Variants in TEX14 observed in about 807,000 individuals in gnomAD.
The protein encoded by TEX14 is inactive serine/threonine-protein kinase TEX14.
TEX14 carries 168 observed loss-of-function variants against 178.6 expected under a neutral mutation model. That is an observed-to-expected ratio of 0.94 (90% CI 0.83 to 1.07). The LOEUF is 1.07. Ranked by LOEUF, TEX14 falls within the 50% of genes least tolerant of loss-of-function variation. The pLI, the probability that TEX14 is intolerant of heterozygous loss-of-function variation, is 0.00. For synonymous variants in TEX14, 626 were observed against 634.1 expected, an observed-to-expected ratio of 0.99 and a Z score of 0.19; for missense variants, 1,730 against 1,753.6, an observed-to-expected ratio of 0.99 and a Z score of 0.24.
intron 1 of TEX14, among the ~76,000 whole-genome samples, chr17:58,654,142 C>T (rs1303516789): frequency 6.6e-6 from 1 of 152,074 alleles, no homozygotes; most frequent in Non-Finnish European, 1.5e-5. Flanking sequence ...TGCACCACTG[C>T]ACTCCAGCCT....
Position 58,636,977 on chromosome 17 carries a change from A to C in TEX14, c.137-6423T>G, listed in dbSNP as rs146937285. 2.8e-3 allele frequency among the ~76,000 whole-genome samples: 425 copies of C among 152,248 alleles called. 2 individuals are homozygous for C. The highest frequency in any genetic ancestry group is 9.9e-3 in the African/African-American group (410 of 41,540). On this transcript the variant is annotated intron_variant, in intron 2 of 31. Transcript: ENST00000349033. ...CATGGTGGCTCACGCCTGTAATCCC[A>C]GCATTTTGGGAGGCAGAAGCGGGTG...
chr17:58,623,734 A>AG (rs2046059104), intron 3 of TEX14, among the ~76,000 whole-genome samples: 1 of 144,132 alleles, frequency 6.9e-6, no homozygotes, highest in African/African-American at 2.5e-5. Flanking sequence ...AGGAGGAGGA[A>AG]GGGAAAAAAA....
At position 58,593,582 on chromosome 17, in the gene TEX14, T is replaced by G. The variant is rs1166511983; in HGVS notation, c.2549A>C (p.Glu850Ala). The change falls in exon 15 of 32, where the codon GAA becomes GCA. Residue 850 changes from glutamate (E) to alanine (A), a missense_variant. Physicochemically the swap from Glu to Ala is moderately radical, Grantham distance 107 (BLOSUM62 -1). Around this residue, in one of 2 missense-constraint regions of TEX14, gnomAD observed 941 missense variants for 1,072.4 expected, o/e 0.88. Coordinates refer to ENST00000349033, the MANE Select transcript of TEX14 (RefSeq NM_031272.5). ...QCTQGAKDSL[E>A]TSRIQNTSSQ... ...ACTGGTATTTTGGATCCTGCTTGTTTCCAAACTGTCCTTGGCTCCTTGAGT... is the reference window on the plus strand; with the variant it reads ...ACTGGTATTTTGGATCCTGCTTGTTGCCAAACTGTCCTTGGCTCCTTGAGT... The G allele has an allele frequency of 4.3e-6, 7 of 1,614,070 alleles. No individual in the cohort carries two copies.
intron 1 of TEX14, among the ~76,000 whole-genome samples, chr17:58,673,788 G>C (rs1257911079): frequency 6.6e-6 from 1 of 151,784 alleles, no homozygotes; most frequent in Non-Finnish European, 1.5e-5. Flanking sequence ...GCCCAGCTTG[G>C]TCTCAAACTT....
At position 58,661,590 on chromosome 17, in the gene TEX14, C is replaced by A. The variant is rs755408550; in HGVS notation, c.-1-9588G>T. The A allele has an allele frequency of 2.8e-6, 2 of 724,508 alleles. 1 individual carries two copies. Among genetic ancestry groups the A allele is most frequent in the South Asian group, 3.1e-5 (2 of 65,490 alleles). The allele number at this position is 724,508 out of a possible 1,614,324, so 44.9% of individuals were successfully genotyped here. On this transcript the variant is annotated intron_variant, in intron 1 of 31. Coordinates refer to ENST00000349033, the MANE Select transcript of TEX14 (RefSeq NM_031272.5). ...GGCGGCGGCAGGAACTCGTCTTCAGCAGCTGCCATCTTGGGAAGGCTGATG... is the reference window on the plus strand; with the variant it reads ...GGCGGCGGCAGGAACTCGTCTTCAGAAGCTGCCATCTTGGGAAGGCTGATG...
intron 3 of TEX14, among the ~76,000 whole-genome samples, chr17:58,627,114 C>T (rs2046163944): frequency 6.6e-6 from 1 of 151,962 alleles, no homozygotes; most frequent in Non-Finnish European, 1.5e-5. Context: ...TTCCTGGACA[C>T]TTGAAAAAGG....
intron 2 of TEX14, among the ~76,000 whole-genome samples, chr17:58,640,901 G>C (rs1055395570): frequency 9.2e-5 from 14 of 151,838 alleles, no homozygotes; most frequent in African/African-American, 3.4e-4. Flanking sequence ...TTTGCTTTTT[G>C]TAGAGACAAG....
chr17:58,626,044 G>A (rs1387958304), intron 3 of TEX14, among the ~76,000 whole-genome samples: 1 of 151,938 alleles, frequency 6.6e-6, no homozygotes, highest in Admixed American at 6.6e-5. Context: ...CACTGTGCCC[G>A]GCAACATTTG....
At chr17:58,596,742 G>A (rs899747001) in intron 14 of TEX14, among the ~76,000 whole-genome samples, 1 of 151,238 alleles carries the variant, frequency 6.6e-6, no homozygotes, top group African/African-American at 2.4e-5. Flanking sequence ...AAAAGATAAA[G>A]AAATAAATAC....
At chr17:58,578,038 C>A (rs2044721463) in intron 20 of TEX14, among the ~76,000 whole-genome samples, 9 of 152,192 alleles carry the variant, frequency 5.9e-5, no homozygotes, top group Admixed American at 4.6e-4. Flanking sequence ...TATCCATTTT[C>A]CTTCCCACCA....
chr17:58,627,955 C>T (rs1339234947), intron 3 of TEX14, among the ~76,000 whole-genome samples: 1 of 113,510 alleles, frequency 8.8e-6, no homozygotes, highest in Non-Finnish European at 1.7e-5. Context: ...GACAGGGTCT[C>T]TGTTGCCCAG....
chr17:58,625,502 T>C (rs2046115650), intron 3 of TEX14, among the ~76,000 whole-genome samples: 1 of 152,214 alleles, frequency 6.6e-6, no homozygotes, highest in South Asian at 2.1e-4. Context: ...ACAGATGATA[T>C]TATTTCTCAT....
At chr17:58,666,796 A>G (rs999265693) in intron 1 of TEX14, 2 of 152,246 alleles carry the variant, frequency 1.3e-5, no homozygotes, top group Non-Finnish European at 2.9e-5. Flanking sequence ...ATCCACATAT[A>G]GTGAACAAAA....
intron 26 of TEX14, among the ~76,000 whole-genome samples, chr17:58,568,840 G>C (rs1296949320): frequency 6.6e-6 from 1 of 152,150 alleles, no homozygotes; most frequent in African/African-American, 2.4e-5. Flanking sequence ...TAGACCTCAG[G>C]CCTCAAAGGA....
chr17:58,572,060 G>A lies in TEX14; in HGVS notation c.3578C>T (p.Thr1193Ile). The A allele has an allele frequency of 6.2e-7, 1 of 1,614,170 alleles. No homozygotes were observed. The highest frequency in any genetic ancestry group is 1.1e-5 in the South Asian group (1 of 91,078). Residue 1193 changes from threonine to isoleucine, a missense_variant, in exon 24 of 32, where the codon ACA becomes ATA. Coordinates refer to ENST00000349033, the MANE Select transcript of TEX14 (RefSeq NM_031272.5). ...CLESITFQVKTEFASCWNSQE... is the reference protein window; with the variant it reads ...CLESITFQVKIEFASCWNSQE... ...ACTGTTCCAGCAAGAGGCAAACTCTGTCTTAACCTGAAATGTGATACTTTC... is the reference window on the plus strand; with the variant it reads ...ACTGTTCCAGCAAGAGGCAAACTCTATCTTAACCTGAAATGTGATACTTTC...
At chr17:58,632,226 C>G (rs2046338627) in intron 2 of TEX14, among the ~76,000 whole-genome samples, 2 of 152,098 alleles carry the variant, frequency 1.3e-5, no homozygotes, top group Non-Finnish European at 2.9e-5. Flanking sequence ...GAAGGGAAAG[C>G]GATAATTCAA....
rs183240352 is a variant in TEX14 at position 58,577,487 on chromosome 17, A to T, written c.3239-31T>A. The T allele has an allele frequency of 2.2e-4, 184 of 841,400 alleles. No individual in the cohort carries two copies. The East Asian group carries it at 4.5e-3, about 20-fold the overall frequency. 52.1% of individuals were successfully genotyped at this position (841,400 alleles called of 1,614,324 possible). A position where few individuals can be genotyped will look rare whatever the true frequency, so the allele number is the denominator to read the frequency against. ...AGAATAAAGTTAAAAATATATATATATATTTTTTTTTACTGAATCTTTGTC... is the reference window on the plus strand; with the variant it reads ...AGAATAAAGTTAAAAATATATATATTTATTTTTTTTTACTGAATCTTTGTC... On this transcript the variant is annotated intron_variant, in intron 20 of 31. Coordinates refer to ENST00000349033, the MANE Select transcript of TEX14 (RefSeq NM_031272.5).
At position 58,661,494 on chromosome 17, in the gene TEX14, C is replaced by T. The variant is rs1273381042; in HGVS notation, c.-1-9492G>A. ...ACCTTTTCCTGGACTATTCGGGAAC[C>T]GGTGGGTTCAGTCGCTCCTTCGACT... On this transcript the variant is annotated intron_variant, in intron 1 of 31. Coordinates refer to ENST00000349033, the MANE Select transcript of TEX14 (RefSeq NM_031272.5). 3 of 781,112 alleles carry T rather than the reference C, an allele frequency of 3.8e-6. No individual in the cohort carries two copies. In the African/African-American group the frequency reaches 5.1e-5, roughly 13 times the overall value. 48.4% of individuals were successfully genotyped at this position (781,112 alleles called of 1,614,324 possible).
chr17:58,611,298 G>C lies in TEX14; in HGVS notation c.1047C>G (p.His349Gln), dbSNP rs754448948. 4 of 1,613,348 alleles carry C rather than the reference G, an allele frequency of 2.5e-6. No homozygotes were observed. The highest frequency in any genetic ancestry group is 3.4e-6 in the Non-Finnish European group (4 of 1,179,480). ...GGGCATCAGATATCTGGAGCAGCAG[G>C]TGCACAATCACCTCCATGTGCAGCA... Reference protein sequence around the residue: ...FPVLHMEVIVHLLLQISDALR... With the variant: ...FPVLHMEVIVQLLLQISDALR... Residue 349 changes from histidine to glutamine, a missense_variant, in exon 10 of 32, where the codon CAC (histidine) becomes CAG (glutamine). His to Gln is a conservative substitution (Grantham distance 24). Coordinates refer to ENST00000349033, the MANE Select transcript of TEX14 (RefSeq NM_031272.5).
Sources: allele counts gnomAD v4.1 joint callset (sites outside exome capture counted in the v4.1 genomes callset), GRCh38; gene constraint gnomAD v4.1.1; regional missense constraint gnomAD v4.1.1; transcripts MANE v1.5; gene names NCBI Gene and HGNC (gene_info 2026-07-23, HGNC 2026-07-21).